The following ZFYVE9 variants were observed in gnomAD, a reference collection of about 807,000 sequenced individuals.
ZFYVE9 encodes zinc finger FYVE domain-containing protein 9.
In ZFYVE9, 43 loss-of-function variants were observed where a neutral mutation model predicts 126.7. The observed-to-expected ratio is 0.34, with a 90% CI of 0.27 to 0.44. The LOEUF is 0.44. Among genes scored for constraint, ZFYVE9 ranks in the 20% least tolerant of loss-of-function variants. ZFYVE9 has a pLI of 1.00. For missense variants in ZFYVE9, 1,476 were observed against 1,697.0 expected (o/e 0.87, Z 2.29); for synonymous variants, 521 against 597.4 (o/e 0.87, Z 1.87).
chr1:52,171,632 C>G (rs1417758692), intron 1 of ZFYVE9, among the ~76,000 whole-genome samples: 1 of 152,078 alleles, frequency 6.6e-6, no homozygotes, highest in African/African-American at 2.4e-5. Flanking sequence ...TAAAAGTGTT[C>G]CTATTTCTCC....
chr1:52,230,479 A>G (rs553225606), intron 2 of ZFYVE9, among the ~76,000 whole-genome samples: 21 of 151,754 alleles, frequency 1.4e-4, no homozygotes, highest in African/African-American at 4.6e-4. Context: ...CACAGCACAC[A>G]TATACCTATG....
chr1:52,183,928 T>C (rs892980827), intron 1 of ZFYVE9, among the ~76,000 whole-genome samples: 2 of 149,672 alleles, frequency 1.3e-5, no homozygotes, highest in Non-Finnish European at 3.0e-5. Context: ...GATCCTGACC[T>C]TGTGATCCAC....
chr1:52,181,673 G>A (rs1441410223), intron 1 of ZFYVE9, among the ~76,000 whole-genome samples: 1 of 152,020 alleles, frequency 6.6e-6, no homozygotes, highest in African/African-American at 2.4e-5. Flanking sequence ...CATCTAGGAA[G>A]TGAGGAGCGT....
At chr1:52,274,437 C>T in intron 7 of ZFYVE9, 27 bp from the exon 8 acceptor site, 2 of 1,583,002 alleles carry the variant, frequency 1.3e-6, no homozygotes. Flanking sequence ...CTCTGTAGTG[C>T]TCACTTTGTT....
At chr1:52,147,816 T>G (rs952707521) in intron 1 of ZFYVE9, among the ~76,000 whole-genome samples, 1 of 152,222 alleles carries the variant, frequency 6.6e-6, no homozygotes, top group African/African-American at 2.4e-5. Flanking sequence ...CTGCACCTTT[T>G]TACAATCCCA....
intron 10 of ZFYVE9, among the ~76,000 whole-genome samples, chr1:52,286,259 C>G (rs1239883181): frequency 6.6e-6 from 1 of 151,904 alleles, no homozygotes; most frequent in East Asian, 1.9e-4. Context: ...GAGTGTGAAA[C>G]CTTGAATACT....
intron 10 of ZFYVE9, among the ~76,000 whole-genome samples, chr1:52,282,934 G>C (rs1401573571): frequency 4.6e-5 from 7 of 152,150 alleles, no homozygotes; most frequent in Non-Finnish European, 1.5e-5. Context: ...TTTTTAATGT[G>C]ATGTAGATTA....
intron 11 of ZFYVE9, among the ~76,000 whole-genome samples, chr1:52,294,283 T>C (rs1645952765): frequency 6.6e-6 from 1 of 152,248 alleles, no homozygotes; most frequent in Admixed American, 6.5e-5. Context: ...CTCTGTAACT[T>C]TGGGCAAGTC....
At chr1:52,151,099 C>T (rs1016893841) in intron 1 of ZFYVE9, among the ~76,000 whole-genome samples, 6 of 150,498 alleles carry the variant, frequency 4.0e-5, no homozygotes, top group Non-Finnish European at 8.8e-5. Context: ...GGTTGAGATT[C>T]TTTAACCTGG....
chr1:52,255,958 CT>C lies in ZFYVE9; in HGVS notation c.2179-7811del, dbSNP rs376335688. ...CTTTTCTTTTCTTTTCTTTTCTTTT[CT>C]TTTCTTTTCTTTCTTTCTTTCTTTC... is the stretch of plus-strand genomic sequence containing the variant. On this transcript the variant is annotated intron_variant, in intron 4 of 18. Transcript: ENST00000287727. 9.7e-3 allele frequency among the ~76,000 whole-genome samples: 806 copies of C among 83,152 alleles called. 35 individuals carry two copies. Among genetic ancestry groups the C allele is most frequent in the African/African-American group, 0.039 (692 of 17,592 alleles). 54.6% of individuals were successfully genotyped at this position (83,152 alleles called of 152,430 possible). A position where few individuals can be genotyped will look rare whatever the true frequency, so the allele number is the denominator to read the frequency against.
chr1:52,181,432 A>G (rs1273845441), intron 1 of ZFYVE9, among the ~76,000 whole-genome samples: 1 of 152,140 alleles, frequency 6.6e-6, no homozygotes, highest in Non-Finnish European at 1.5e-5. Context: ...TCGGCTCGCT[A>G]CAATCTCCAC....
intron 1 of ZFYVE9, among the ~76,000 whole-genome samples, chr1:52,205,763 T>C (rs142870480): frequency 1.3e-3 from 193 of 152,288 alleles, no homozygotes; most frequent in African/African-American, 4.3e-3. Context: ...CCAAGCTACT[T>C]AAATGCTGCA....
At position 52,239,613 on chromosome 1, in the gene ZFYVE9, A is replaced by ATACG. The variant is rs764149475; in HGVS notation, c.2178+18_2178+19insTACG. 3 of 1,596,930 alleles carry ATACG rather than the reference A, an allele frequency of 1.9e-6. No homozygotes were observed. Among genetic ancestry groups the ATACG allele is most frequent in the East Asian group, 4.5e-5 (2 of 44,602 alleles). ...GTGGGAAGGTAAGTTGCATGTATAC[A>ATACG]CTCAGAAATCGGGCATGCACATTTT... On this transcript the variant is annotated intron_variant, in intron 4 of 18. Coordinates refer to ENST00000287727, the MANE Select transcript of ZFYVE9 (RefSeq NM_004799.4).
In ZFYVE9 at chr1:52,170,490, C is replaced by T. The variant is rs138119352; in HGVS notation, c.-143+28087C>T. ...CTTTTAATTTTCAAATTCATTTATT[C>T]TCTGATCTTTATTACTTCTTTTCTT... On this transcript the variant is annotated intron_variant, in intron 1 of 18. Coordinates refer to ENST00000287727, the MANE Select transcript of ZFYVE9 (RefSeq NM_004799.4). Among the ~76,000 whole-genome samples, 402 of 151,768 alleles carry T rather than the reference C, an allele frequency of 2.6e-3. 2 individuals are homozygous for T. Among genetic ancestry groups the T allele is most frequent in the African/African-American group, 9.3e-3 (385 of 41,410 alleles).
intron 2 of ZFYVE9, among the ~76,000 whole-genome samples, chr1:52,226,290 G>A (rs1645170167): frequency 6.6e-6 from 1 of 152,146 alleles, no homozygotes; most frequent in Admixed American, 6.5e-5. Flanking sequence ...TTCCTTGTCT[G>A]TGTCTGCAGC....
chr1:52,193,460 A>G (rs542740891), intron 1 of ZFYVE9, among the ~76,000 whole-genome samples: 13 of 150,482 alleles, frequency 8.6e-5, no homozygotes, highest in African/African-American at 2.4e-4. Context: ...TAATCCCAGC[A>G]TTTTGGGAGG....
chr1:52,330,773 A>T (rs376282961), intron 13 of ZFYVE9, among the ~76,000 whole-genome samples: 4 of 151,824 alleles, frequency 2.6e-5, no homozygotes. Context: ...AGAATGCCCA[A>T]CCTCCTGGGA....
chr1:52,320,024 A>AG (rs1260270731), intron 13 of ZFYVE9, among the ~76,000 whole-genome samples: 7 of 150,636 alleles, frequency 4.6e-5, no homozygotes, highest in African/African-American at 1.7e-4. Flanking sequence ...TCAAAAAAAA[A>AG]AAAAAAAGAG....
At position 52,303,815 on chromosome 1, in the gene ZFYVE9, G is replaced by C. The variant is rs1470830416; in HGVS notation, c.3334-6G>C. ...ATTTATTCTGCTTCAATCTGCTTTG[G>C]CCCAGGACTTCAGAAATTACCAGTA... On this transcript the variant is annotated splice_polypyrimidine_tract_variant and splice_region_variant and intron_variant, in intron 12 of 18. Transcript: ENST00000287727. The C allele has an allele frequency of 6.4e-7, 1 of 1,555,654 alleles. No homozygotes were observed. The highest frequency in any genetic ancestry group is 2.4e-5 in the East Asian group (1 of 41,750).
Sources: gnomAD v4.1 joint callset for allele counts (sites outside exome capture counted in the v4.1 genomes callset) on GRCh38, gnomAD v4.1.1 for gene constraint, MANE v1.5 for transcripts, NCBI Gene and HGNC (gene_info 2026-07-23, HGNC 2026-07-21) for gene names.